BICRAL: variants seen among roughly 807,000 people sequenced by gnomAD.
The protein encoded by BICRAL is BICRA like chromatin remodeling complex associated protein.
Under a neutral mutation model 91.8 loss-of-function variants are expected in BICRAL, and 8 were observed. The observed-to-expected ratio is 0.09, with a 90% confidence interval of 0.05 to 0.16. The LOEUF (loss-of-function observed/expected upper bound fraction) is 0.16. Ranked by LOEUF, BICRAL falls within the 10% of genes least tolerant of loss-of-function variation. The probability of loss-of-function intolerance (pLI) is 1.00; values close to 1 mark genes in which losing one functional copy is unlikely to be tolerated. For synonymous variants in BICRAL, 445 were observed against 491.1 expected, an observed-to-expected ratio of 0.91 and a Z score of 1.24; for missense variants, 1,038 against 1,310.9, an observed-to-expected ratio of 0.79 and a Z score of 3.21.
In BICRAL at chr6:42,835,237, G is replaced by A. The variant is rs754153334; in HGVS notation, c.1839+5065G>A. ...TCTGCCTCCCGGGTTCAAGCTATTC[G>A]CCTGCCTCAGCCTCCCAAGTAGCTG... On this transcript the variant is annotated intron_variant, in intron 6 of 12. Coordinates refer to ENST00000314073, the MANE Select transcript of BICRAL (RefSeq NM_001393499.1). 7.2e-4 allele frequency among the ~76,000 whole-genome samples: 109 copies of A among 151,274 alleles called. 2 individuals carry two copies. The highest frequency in any genetic ancestry group is 3.4e-4 in the African/African-American group (14 of 41,126).
intron 1 of BICRAL, among the ~76,000 whole-genome samples, chr6:42,784,908 T>G (rs1250909989): frequency 1.3e-5 from 2 of 152,204 alleles, no homozygotes; most frequent in Non-Finnish European, 2.9e-5. Flanking sequence ...AGATCTAGTA[T>G]TCCAAAGCTC....
At chr6:42,781,623 G>GTGTGTGTGT (rs1762911847), upstream of BICRAL, among the ~76,000 whole-genome samples, 1 of 148,848 alleles carries the variant, frequency 6.7e-6, no homozygotes, top group Non-Finnish European at 1.5e-5. Context: ...GTGTGTGTGT[G>GTGTGTGTGT]GAGAGAGAGC....
chr6:42,857,614 A>AAAAAAAAAAAAAAATATATATATATAT, intron 10 of BICRAL, among the ~76,000 whole-genome samples: 1 of 96,224 alleles, frequency 1.0e-5, no homozygotes, highest in African/African-American at 6.5e-5. Flanking sequence ...AAAAAAAAAA[A>AAAAAAAAAAAAAAATATATATATATAT]ATATATATAT....
intron 5 of BICRAL, among the ~76,000 whole-genome samples, chr6:42,825,182 C>T (rs1208249732): frequency 1.3e-5 from 2 of 149,968 alleles, no homozygotes; most frequent in Non-Finnish European, 3.0e-5. Context: ...ATTGCTTGAA[C>T]CTGGGAGGTG....
intron 1 of BICRAL, among the ~76,000 whole-genome samples, chr6:42,748,847 G>A (rs2152017768): frequency 6.6e-6 from 1 of 152,334 alleles, no homozygotes; most frequent in Non-Finnish European, 1.5e-5. Context: ...GCCCGGCTGT[G>A]TTTGCATCCT....
chr6:42,816,139 C>CT (rs986793610), intron 2 of BICRAL, among the ~76,000 whole-genome samples: 1 of 151,192 alleles, frequency 6.6e-6, no homozygotes, highest in Non-Finnish European at 1.5e-5. Context: ...TGGAGGATCA[C>CT]TTAAGTGCAG....
chr6:42,776,958 C>G (rs1385000862), intron 1 of BICRAL, among the ~76,000 whole-genome samples: 2 of 151,948 alleles, frequency 1.3e-5, no homozygotes, highest in East Asian at 3.9e-4. Flanking sequence ...ATCTTGTGGA[C>G]TGGGCTATGT....
intron 6 of BICRAL, among the ~76,000 whole-genome samples, chr6:42,847,741 G>A (rs1479817042): frequency 3.3e-5 from 5 of 151,756 alleles, no homozygotes; most frequent in African/African-American, 1.2e-4. Context: ...TGACCAACAT[G>A]GTGAAACCCT....
chr6:42,863,869 A>C (rs753248313), intron 12 of BICRAL, among the ~76,000 whole-genome samples: 1 of 152,158 alleles, frequency 6.6e-6, no homozygotes, highest in Admixed American at 6.5e-5. Flanking sequence ...CTTTACTAAA[A>C]GTACCAAAAT....
Position 42,823,018 on chromosome 6 carries a change from C to T in BICRAL, c.159+15C>T. 1 of 1,513,716 alleles carries T rather than the reference C, an allele frequency of 6.6e-7. No individual in the cohort carries two copies. Among genetic ancestry groups the T allele is most frequent in the African/African-American group, 1.4e-5 (1 of 73,118 alleles). 93.8% of individuals were successfully genotyped at this position (1,513,716 alleles called of 1,614,324 possible). A position where few individuals can be genotyped will look rare whatever the true frequency, so the allele number is the denominator to read the frequency against. ...CCAACTCTAGTGTGAGTATTGGAAA[C>T]TAAATGCAATGATTGAATGGTTTCT... On this transcript the variant is annotated intron_variant, in intron 5 of 12. Coordinates refer to ENST00000314073, the MANE Select transcript of BICRAL (RefSeq NM_001393499.1).
At chr6:42,862,275 G>A (rs1221310417) in intron 11 of BICRAL, among the ~76,000 whole-genome samples, 1 of 151,890 alleles carries the variant, frequency 6.6e-6, no homozygotes, top group Non-Finnish European at 1.5e-5. Context: ...ATATTCTTAT[G>A]TGTGTCAGAA....
intron 1 of BICRAL, among the ~76,000 whole-genome samples, chr6:42,782,304 A>C (rs1266412252): frequency 1.6e-5 from 2 of 123,390 alleles, no homozygotes; most frequent in Non-Finnish European, 3.2e-5. Context: ...GTTTCAGCCC[A>C]GAGAGCTATT....
intron 1 of BICRAL, among the ~76,000 whole-genome samples, chr6:42,768,604 G>T (rs1175558327): frequency 6.6e-6 from 1 of 152,190 alleles, no homozygotes; most frequent in Non-Finnish European, 1.5e-5. Context: ...CAACTCCAAA[G>T]CTAGAAAGCC....
chr6:42,796,636 AGAT>A (rs1253204887), intron 1 of BICRAL, among the ~76,000 whole-genome samples: 2 of 152,150 alleles, frequency 1.3e-5, no homozygotes, highest in Non-Finnish European at 2.9e-5. Context: ...AGCCAGTGGG[AGAT>A]GATGATGGCT....
chr6:42,782,622 G>T (rs1416205687), intron 1 of BICRAL, among the ~76,000 whole-genome samples: 2 of 151,812 alleles, frequency 1.3e-5, no homozygotes, highest in Non-Finnish European at 2.9e-5. Context: ...GCCCGGGAAG[G>T]GGGTGGCGTG....
chr6:42,801,082 G>A (rs1240730223), intron 1 of BICRAL, among the ~76,000 whole-genome samples: 8 of 151,728 alleles, frequency 5.3e-5, no homozygotes, highest in African/African-American at 1.9e-4. Flanking sequence ...GTGAAACCCT[G>A]TCTCTACTAA....
At chr6:42,827,406 A>G (rs532622151) in intron 5 of BICRAL, among the ~76,000 whole-genome samples, 2 of 152,348 alleles carry the variant, frequency 1.3e-5, no homozygotes, top group East Asian at 3.9e-4. Context: ...AATAATCACT[A>G]CATATGATGC....
At chr6:42,814,478 C>CGTGTGTGT (rs1491362297) in intron 2 of BICRAL, among the ~76,000 whole-genome samples, 1 of 91,302 alleles carries the variant, frequency 1.1e-5, no homozygotes, top group Non-Finnish European at 2.0e-5. Context: ...CATATACATG[C>CGTGTGTGT]ATGTGTGTGT....
intron 10 of BICRAL, among the ~76,000 whole-genome samples, chr6:42,859,749 C>G (rs1765494303): frequency 6.6e-6 from 1 of 152,096 alleles, no homozygotes. Context: ...TCACGCCATT[C>G]TCCTGCCTCA....
Sources: allele counts gnomAD v4.1 joint callset (sites outside exome capture counted in the v4.1 genomes callset), GRCh38; gene constraint gnomAD v4.1.1; transcripts MANE v1.5; gene names NCBI Gene and HGNC (gene_info 2026-07-23, HGNC 2026-07-21).